C1orf159: variants seen among roughly 807,000 people sequenced by gnomAD.
The protein encoded by C1orf159 is chromosome 1 open reading frame 159, also known as uncharacterized protein C1orf159.
In C1orf159, 19 loss-of-function variants were observed where a neutral mutation model predicts 25.6. That is an observed-to-expected ratio of 0.74 (90% CI 0.52 to 1.09). The LOEUF (loss-of-function observed/expected upper bound fraction) is 1.09. Ranked by LOEUF, C1orf159 falls within the 50% of genes least tolerant of loss-of-function variation. The pLI is 0.00. For synonymous variants in C1orf159, 139 were observed against 124.7 expected, an observed-to-expected ratio of 1.12 and a Z score of -0.77; for missense variants, 274 against 290.6, an observed-to-expected ratio of 0.94 and a Z score of 0.42.
Position 1,087,827 on chromosome 1 carries a change from C to A in C1orf159, c.149-230G>T, listed in dbSNP as rs1645856589. 6.6e-6 allele frequency among the ~76,000 whole-genome samples: 1 copy of A among 150,752 alleles called. No individual in the cohort carries two copies. Among genetic ancestry groups the A allele is most frequent in the African/African-American group, 2.4e-5 (1 of 40,858 alleles). ...CGCACCCTGACCCTGAGTACTCCGA[C>A]CCCAAGTACTCCACGCTGCACTCTC... On this transcript the variant is annotated intron_variant, in intron 4 of 9. Coordinates refer to ENST00000421241, the MANE Select transcript of C1orf159 (RefSeq NM_017891.5). The surrounding 1 kb of genome is among the most constrained non-coding windows in gnomAD (Gnocchi z 8.3).
At chr1:1,083,687 G>C (rs548058700) in intron 9 of C1orf159, 2 of 570,728 alleles carry the variant, frequency 3.5e-6, no homozygotes, top group Non-Finnish European at 6.2e-6. Context: ...CTCGGGCACC[G>C]TGGGGTCTGC....
chr1:1,102,050 G>A (rs370395493), intron 1 of C1orf159, among the ~76,000 whole-genome samples: 4 of 108,840 alleles, frequency 3.7e-5, no homozygotes, highest in South Asian at 3.1e-4. Context: ...CAGCCTGGGC[G>A]ACAACAGCAA....
Position 1,082,725 on chromosome 1 carries a change from C to G in C1orf159, c.*168G>C, listed in dbSNP as rs766272599. 3.5e-4 allele frequency: 226 copies of G among 643,212 alleles called. 1 individual carries two copies. Among genetic ancestry groups the G allele is most frequent in the Admixed American group, 4.0e-4 (16 of 40,422 alleles). 39.8% of individuals were successfully genotyped at this position (643,212 alleles called of 1,614,324 possible). Reference sequence around the variant, plus strand: ...TGGTGGGGAGGAGCCTCAGGCGGCCCGGGACCCTTTGGCGTCCGTCGCTGG... The same window carrying G: ...TGGTGGGGAGGAGCCTCAGGCGGCCGGGGACCCTTTGGCGTCCGTCGCTGG... On this transcript the variant is annotated 3_prime_UTR_variant, in exon 10 of 10. Transcript: ENST00000421241.
At chr1:1,098,858 C>T (rs572075252) in intron 1 of C1orf159, among the ~76,000 whole-genome samples, 10 of 152,278 alleles carry the variant, frequency 6.6e-5, no homozygotes, top group African/African-American at 2.2e-4. Flanking sequence ...GTGATCCACC[C>T]GACTCGGGCT....
intron 3 of C1orf159, chr1:1,090,876 GGTGT>G: frequency 6.5e-7 from 1 of 1,549,186 alleles, no homozygotes; most frequent in Non-Finnish European, 8.7e-7. Context: ...TGGCACTTAC[GGTGT>G]GTGTGAGGGC....
At position 1,082,361 on chromosome 1, in the gene C1orf159, G is replaced by C. The variant is rs1645756013; in HGVS notation, c.*532C>G. 2 of 162,902 alleles carry C rather than the reference G, an allele frequency of 1.2e-5. No homozygotes were observed. The highest frequency in any genetic ancestry group is 1.1e-4 in the Admixed American group (2 of 17,428). 10.1% of individuals were successfully genotyped at this position (162,902 alleles called of 1,614,324 possible). On this transcript the variant is annotated 3_prime_UTR_variant, in exon 10 of 10. Transcript: ENST00000421241. ...CGGGAGGACAGCCCAGAGGCACCCT[G>C]GTCTCAGGCAGCTGGTTCCTAGGCT...
At chr1:1,109,377 G>A (rs1276310511) in intron 1 of C1orf159, among the ~76,000 whole-genome samples, 3 of 152,324 alleles carry the variant, frequency 2.0e-5, no homozygotes, top group African/African-American at 7.2e-5. Context: ...CTGGGGGGCA[G>A]GGAGGAATGG....
intron 1 of C1orf159, among the ~76,000 whole-genome samples, chr1:1,112,508 G>A (rs900405280): frequency 2.0e-5 from 3 of 146,764 alleles, no homozygotes; most frequent in South Asian, 2.2e-4. Flanking sequence ...GTGAACACAC[G>A]GCACATGCTC....
In C1orf159 at chr1:1,109,371, G is replaced by A. The variant is rs1431502618; in HGVS notation, c.-136+6689C>T. On this transcript the variant is annotated intron_variant, in intron 1 of 9. Coordinates refer to ENST00000421241, the MANE Select transcript of C1orf159 (RefSeq NM_017891.5). ...GACAACGGTGGTTGCCAGGGGCTGG[G>A]GGGCAGGGAGGAATGGGGAGTTAGT... Among the ~76,000 whole-genome samples the A allele has an allele frequency of 2.0e-5, 3 of 152,272 alleles. No homozygotes were observed. In the East Asian group the frequency reaches 5.8e-4, roughly 29 times the overall value.
intron 1 of C1orf159, among the ~76,000 whole-genome samples, chr1:1,100,112 A>G (rs1646079415): frequency 6.6e-6 from 1 of 152,018 alleles, no homozygotes; most frequent in Non-Finnish European, 1.5e-5. Context: ...AAACAAATAC[A>G]TAGACGGACA....
At chr1:1,094,695 C>A (rs908805062) in intron 1 of C1orf159, among the ~76,000 whole-genome samples, 1 of 152,186 alleles carries the variant, frequency 6.6e-6, no homozygotes, top group Non-Finnish European at 1.5e-5. Flanking sequence ...CCACCTTGCC[C>A]GGCCCCCGTC....
At chr1:1,088,126 G>A (rs1405253109) in intron 4 of C1orf159, among the ~76,000 whole-genome samples, 1 of 116,058 alleles carries the variant, frequency 8.6e-6, no homozygotes, top group Non-Finnish European at 1.8e-5. Context: ...AACCCCCACT[G>A]CAACGCCTGC....
rs567539958 is a variant in C1orf159 at position 1,085,868 on chromosome 1, C to T, written c.445+10G>A. Reference sequence around the variant, plus strand: ...CCCTCCCGTGGGGCAGGTGCTGGTCCGGGAGATACCTTTGTTTCTTCTGTA... The same window carrying T: ...CCCTCCCGTGGGGCAGGTGCTGGTCTGGGAGATACCTTTGTTTCTTCTGTA... On this transcript the variant is annotated intron_variant, in intron 7 of 9. Coordinates refer to ENST00000421241, the MANE Select transcript of C1orf159 (RefSeq NM_017891.5). 23 of 1,612,784 alleles carry T rather than the reference C, an allele frequency of 1.4e-5. No individual in the cohort carries two copies. Among genetic ancestry groups the T allele is most frequent in the East Asian group, 4.5e-5 (2 of 44,878 alleles).
chr1:1,091,351 C>T, intron 3 of C1orf159, 121 bp downstream of exon 3: 1 of 996,856 alleles, frequency 1.0e-6, no homozygotes, highest in Non-Finnish European at 1.5e-6. Flanking sequence ...TGGTCAGCAC[C>T]TCTGGGGCTG....
chr1:1,097,810 ATTG>A (rs1157201715), intron 1 of C1orf159, among the ~76,000 whole-genome samples: 2 of 151,948 alleles, frequency 1.3e-5, no homozygotes, highest in Non-Finnish European at 2.9e-5. Flanking sequence ...AGCTTTTGAT[ATTG>A]TTAAGTTTCT....
chr1:1,088,199 G>GC (rs1336686004), intron 4 of C1orf159, among the ~76,000 whole-genome samples: 44 of 38,446 alleles, frequency 1.1e-3, no homozygotes, highest in African/African-American at 2.8e-3. Context: ...CCTCCCCCAG[G>GC]ACCCCCCCCC....
chr1:1,113,747 C>G (rs76462162), intron 1 of C1orf159, among the ~76,000 whole-genome samples: 5 of 152,216 alleles, frequency 3.3e-5, no homozygotes, highest in Admixed American at 3.3e-4. Flanking sequence ...AGATCAAGTG[C>G]GCAGTTTGAC....
At chr1:1,085,800 A>G (rs771894573) in intron 7 of C1orf159, 78 bp downstream of exon 7, 172 of 1,543,670 alleles carry the variant, frequency 1.1e-4, no homozygotes, top group Non-Finnish European at 1.4e-4. Flanking sequence ...GGGACACTCC[A>G]GTCTCAGGCC....
intron 1 of C1orf159, among the ~76,000 whole-genome samples, chr1:1,093,905 G>A (rs955823707): frequency 6.6e-6 from 1 of 152,246 alleles, no homozygotes; most frequent in Non-Finnish European, 1.5e-5. Flanking sequence ...CACTGGCGAT[G>A]TGGGTGCACG....
Sources: allele counts gnomAD v4.1 joint callset (sites outside exome capture counted in the v4.1 genomes callset), GRCh38; gene constraint gnomAD v4.1.1; non-coding constraint Gnocchi (gnomAD v3.1); transcripts MANE v1.5; gene names NCBI Gene and HGNC (gene_info 2026-07-23, HGNC 2026-07-21).